Variants in SLCO1A2 observed in about 807,000 individuals in gnomAD.
SLCO1A2 encodes solute carrier organic anion transporter family member 1A2.
In SLCO1A2, 67 loss-of-function variants were observed where a neutral mutation model predicts 69.0. The ratio of observed to expected loss-of-function variants is 0.97; its 90% CI spans 0.80 to 1.19. The LOEUF (loss-of-function observed/expected upper bound fraction) is 1.19, where lower values mean the gene tolerates loss of function less well. SLCO1A2 is among the 50% of genes most tolerant of loss of function. The pLI is 0.00. For missense variants in SLCO1A2, 787 were observed against 793.7 expected (o/e 0.99, Z 0.10); for synonymous variants, 260 against 265.9 (o/e 0.98, Z 0.22).
chr12:21,323,391 T>TA (rs1951882136), intron 2 of SLCO1A2, among the ~76,000 whole-genome samples: 1 of 151,910 alleles, frequency 6.6e-6, no homozygotes, highest in South Asian at 2.1e-4. Flanking sequence ...ACCCTGTCTC[T>TA]AAAAAAATAC....
At chr12:21,292,427 G>T in intron 11 of SLCO1A2, 91 bp from the exon 12 acceptor site, 1 of 959,286 alleles carries the variant, frequency 1.0e-6, no homozygotes, top group Non-Finnish European at 1.6e-6. Context: ...TCAAGATGGA[G>T]ACTGCTTGTT....
chr12:21,271,912 A>G (rs1942947537), intron 14 of SLCO1A2, among the ~76,000 whole-genome samples: 1 of 150,308 alleles, frequency 6.7e-6, no homozygotes, highest in Non-Finnish European at 1.5e-5. Flanking sequence ...TTAAAGCTCT[A>G]AAAATCCCTT....
intron 6 of SLCO1A2, among the ~76,000 whole-genome samples, chr12:21,303,706 A>G (rs996293326): frequency 3.3e-5 from 5 of 152,206 alleles, no homozygotes; most frequent in Admixed American, 6.5e-5. Context: ...TAAGTTGGCT[A>G]TTGTTCCAGG....
At chr12:21,386,450 T>C (rs1030382783) in intron 1 of SLCO1A2, among the ~76,000 whole-genome samples, 4 of 152,074 alleles carry the variant, frequency 2.6e-5, no homozygotes, top group Non-Finnish European at 4.4e-5. Flanking sequence ...TGGGAGGTAA[T>C]TGAATCATGG....
intron 2 of SLCO1A2, among the ~76,000 whole-genome samples, chr12:21,351,645 G>C (rs1291829335): frequency 6.6e-6 from 1 of 151,976 alleles, no homozygotes; most frequent in Non-Finnish European, 1.5e-5. Flanking sequence ...GGGCATGGTG[G>C]TGGGCGCCTG....
At chr12:21,416,776 G>GA (rs1482940253) in intron 1 of SLCO1A2, among the ~76,000 whole-genome samples, 1 of 151,272 alleles carries the variant, frequency 6.6e-6, no homozygotes, top group African/African-American at 2.4e-5. Context: ...AGTCAACCAA[G>GA]AAAAAAAATA....
At chr12:21,394,937 A>G (rs1400544018) in exon 1 of SLCO1A2, 2 of 152,272 alleles carry the variant, frequency 1.3e-5, no homozygotes, top group Non-Finnish European at 2.9e-5. Context: ...ATAGTAACAT[A>G]GCAGGCACTT....
chr12:21,377,756 A>G (rs1940307137), intron 1 of SLCO1A2, among the ~76,000 whole-genome samples: 1 of 152,246 alleles, frequency 6.6e-6, no homozygotes, highest in Admixed American at 6.5e-5. Context: ...CATTTCTTGC[A>G]TAACACTCCT....
intron 1 of SLCO1A2, among the ~76,000 whole-genome samples, chr12:21,411,646 T>C (rs1941908724): frequency 6.6e-6 from 1 of 152,048 alleles, no homozygotes; most frequent in Non-Finnish European, 1.5e-5. Flanking sequence ...TTACTTACAT[T>C]GAAGCTACAG....
At chr12:21,282,333 CAT>C (rs917957242) in intron 12 of SLCO1A2, among the ~76,000 whole-genome samples, 1 of 151,776 alleles carries the variant, frequency 6.6e-6, no homozygotes, top group African/African-American at 2.4e-5. Context: ...CGAATAAAAC[CAT>C]ATGATCATTT....
At chr12:21,352,070 C>T (rs895008913) in intron 2 of SLCO1A2, among the ~76,000 whole-genome samples, 3 of 152,126 alleles carry the variant, frequency 2.0e-5, no homozygotes, top group Non-Finnish European at 2.9e-5. Flanking sequence ...TTCAAGATGC[C>T]TCCAGGGTCT....
At chr12:21,347,669 A>AAGGAAGG (rs1555122068) in intron 2 of SLCO1A2, among the ~76,000 whole-genome samples, 166 of 113,484 alleles carry the variant, frequency 1.5e-3, no homozygotes, top group African/African-American at 3.5e-3. Context: ...AGAAAGAAAG[A>AAGGAAGG]AAGGAAGGAA....
chr12:21,401,516 T>G (rs931927341), intron 1 of SLCO1A2, among the ~76,000 whole-genome samples: 4 of 151,898 alleles, frequency 2.6e-5, no homozygotes, highest in Non-Finnish European at 5.9e-5. Flanking sequence ...ATTAAAACCT[T>G]TATCTTTCCT....
At chr12:21,284,830 C>A (rs1440309076) in intron 12 of SLCO1A2, among the ~76,000 whole-genome samples, 1 of 74,928 alleles carries the variant, frequency 1.3e-5, no homozygotes, top group African/African-American at 6.1e-5. Flanking sequence ...CACAACATAC[C>A]AGAATCTCTG....
upstream of SLCO1A2, among the ~76,000 whole-genome samples, chr12:21,395,964 G>A (rs759197891): frequency 0.023 from 3,482 of 150,500 alleles, 74 homozygotes; most frequent in Non-Finnish European, 0.031. Context: ...AAAGCAGAGC[G>A]CCTCTCCTCC....
At chr12:21,331,901 G>C (rs1024860056) in intron 2 of SLCO1A2, among the ~76,000 whole-genome samples, 2 of 152,088 alleles carry the variant, frequency 1.3e-5, no homozygotes, top group Non-Finnish European at 2.9e-5. Context: ...TCTCTGGAGT[G>C]GGTGGGGGCT....
At chr12:21,366,471 C>A (rs2045942) in intron 2 of SLCO1A2, among the ~76,000 whole-genome samples, 48,756 of 151,660 alleles carry the variant, frequency 0.32, 8,084 homozygotes, top group East Asian at 0.46. Context: ...GTGCAGCACA[C>A]CAACATGGCG....
upstream of SLCO1A2, among the ~76,000 whole-genome samples, chr12:21,339,003 A>T (rs2857468): frequency 0.83 from 126,175 of 151,922 alleles, 53,012 homozygotes; most frequent in East Asian, 1. Context: ...AAACTCTTTG[A>T]GCCTATTCCT....
intron 3 of SLCO1A2, among the ~76,000 whole-genome samples, chr12:21,316,565 T>C (rs1950891785): frequency 6.6e-6 from 1 of 151,750 alleles, no homozygotes; most frequent in East Asian, 1.9e-4. Context: ...TTTTTTTTTT[T>C]CAAATTTCTA....
Sources: gnomAD v4.1 joint callset for allele counts (sites outside exome capture counted in the v4.1 genomes callset) on GRCh38, gnomAD v4.1.1 for gene constraint, MANE v1.5 for transcripts, NCBI Gene and HGNC (gene_info 2026-07-23, HGNC 2026-07-21) for gene names.